Variants in DSG1 observed in about 807,000 individuals in gnomAD.
DSG1 encodes the protein desmoglein-1.
DSG1 carries 39 observed loss-of-function variants against 97.5 expected under a neutral mutation model. The observed-to-expected ratio is 0.40, with a 90% CI of 0.31 to 0.52. The LOEUF is 0.52. DSG1 is among the 20% of genes least tolerant of loss of function. The probability of loss-of-function intolerance (pLI) is 0.53; values close to 1 mark genes in which losing one functional copy is unlikely to be tolerated. For missense variants in DSG1, 1,311 were observed against 1,295.4 expected (o/e 1.01, Z -0.18); for synonymous variants, 475 against 443.4 (o/e 1.07, Z -0.90).
intron 14 of DSG1, among the ~76,000 whole-genome samples, chr18:31,353,578 G>A (rs569678303): frequency 7.2e-5 from 11 of 152,088 alleles, no homozygotes; most frequent in Middle Eastern, 3.2e-3. Flanking sequence ...CCTCACTGCC[G>A]CTTTGCAGTT....
At chr18:31,338,248 A>C in intron 9 of DSG1, 67 bp from the exon 10 acceptor site, 2 of 1,495,872 alleles carry the variant, frequency 1.3e-6, no homozygotes, top group Non-Finnish European at 9.2e-7. Context: ...AAAACAATAC[A>C]TTTTAAATTA....
chr18:31,339,717 T>C (rs1221845912), intron 10 of DSG1, 27 bp from the exon 11 acceptor site: 1 of 1,557,716 alleles, frequency 6.4e-7, no homozygotes, highest in Non-Finnish European at 8.9e-7. Context: ...GTCTAAAATA[T>C]TTCTTCCATT....
rs772257646 is a variant in DSG1, at chr18:31,318,937, CA to C, written c.48+595del. Among the ~76,000 whole-genome samples the C allele has an allele frequency of 2.6e-5, 4 of 151,706 alleles. No homozygotes were observed. The South Asian group carries it at 6.3e-4, about 24-fold the overall frequency. On this transcript the variant is annotated intron_variant, in intron 1 of 14. Transcript: ENST00000257192. ...ATTTTATTTAAAACATTTTTAATTT[CA>C]AAAAACGGCAGTACAGGAGGTTTAT...
chr18:31,332,528 T>C (rs1263047064), intron 6 of DSG1, among the ~76,000 whole-genome samples: 3 of 152,076 alleles, frequency 2.0e-5, no homozygotes, highest in Admixed American at 6.6e-5. Context: ...TAGCATGCCT[T>C]GTGATTTTAT....
chr18:31,355,208 C>A lies in DSG1; in HGVS notation c.3012C>A (p.Ser1004Arg), dbSNP rs1419114865. The A allele has an allele frequency of 1.9e-6, 3 of 1,602,986 alleles. No homozygotes were observed. Among genetic ancestry groups the A allele is most frequent in the South Asian group, 2.2e-5 (2 of 89,282 alleles). ...AGISGGGIGL[S>R]SLGGTASIGH... Reference sequence around the variant, plus strand: ...TAAGTGGTGGTGGCATTGGCCTGAGCAGCTTGGGAGGGACAGCCAGCATTG... The same window carrying A: ...TAAGTGGTGGTGGCATTGGCCTGAGAAGCTTGGGAGGGACAGCCAGCATTG... The change falls in exon 15 of 15, where the codon AGC becomes AGA. Residue 1004 changes from serine to arginine, a missense_variant. Ser to Arg is a moderately radical substitution (Grantham distance 110). This residue lies in a region of DSG1 where 1,038 missense variants were observed against 964.6 expected (regional missense o/e 1.08). Coordinates refer to ENST00000257192, the MANE Select transcript of DSG1 (RefSeq NM_001942.4).
intron 1 of DSG1, among the ~76,000 whole-genome samples, chr18:31,322,142 C>T (rs907654782): frequency 1.3e-5 from 2 of 152,240 alleles, no homozygotes; most frequent in Admixed American, 6.5e-5. Context: ...CATATCTCTA[C>T]AAATTAATGG....
chr18:31,325,076 G>A (rs979806807), intron 1 of DSG1, among the ~76,000 whole-genome samples: 1 of 152,184 alleles, frequency 6.6e-6, no homozygotes, highest in African/African-American at 2.4e-5. Flanking sequence ...GAAAGTCCAA[G>A]AGTGACTTTG....
rs141269991 is a variant in DSG1, at chr18:31,318,340, A to T, written c.40A>T (p.Ile14Phe). 495 of 1,612,898 alleles carry T rather than the reference A, an allele frequency of 3.1e-4. 3 individuals are homozygous for T. Among genetic ancestry groups the T allele is most frequent in the Middle Eastern group, 1.6e-4 (1 of 6,082 alleles). ...SFFRVVAMLFIFLVVVEVNSE... is the reference protein window; with the variant it reads ...SFFRVVAMLFFFLVVVEVNSE... ...CTTCAGAGTAGTTGCAATGCTGTTC[A>T]TTTTTCTGGTGAGTGGATTCTGGTA... The change falls in exon 1 of 15, where the codon ATT (isoleucine) becomes TTT (phenylalanine). Residue 14 changes from isoleucine to phenylalanine, a missense_variant. This residue lies in a region of DSG1 where 259 missense variants were observed against 304.1 expected (regional missense o/e 0.85). Coordinates refer to ENST00000257192, the MANE Select transcript of DSG1 (RefSeq NM_001942.4).
At chr18:31,327,088 A>G in intron 3 of DSG1, 83 bp downstream of exon 3, 1 of 1,543,284 alleles carries the variant, frequency 6.5e-7, no homozygotes, top group Non-Finnish European at 8.9e-7. Context: ...TATTTCATGA[A>G]CATGTCTCAC....
chr18:31,326,935 G>A lies in DSG1; in HGVS notation c.146G>A (p.Arg49His), dbSNP rs2144087833. The change falls in exon 3 of 15, where the codon CGT becomes CAT. Residue 49 changes from arginine to histidine, a missense_variant. By Grantham distance (29) the Arg-to-His change is conservative. This residue lies in a region of DSG1 where 259 missense variants were observed against 304.1 expected (regional missense o/e 0.85). Transcript: ENST00000257192. ...TGGCATTCAATCCGAAGGCAGAAAC[G>A]TGAATGGATCAAGTTCGCAGCAGCC... is the stretch of plus-strand genomic sequence containing the variant. ...IKWHSIRRQK[R>H]EWIKFAAACR... 1 of 1,613,846 alleles carries A rather than the reference G, an allele frequency of 6.2e-7. No homozygotes were observed. The highest frequency in any genetic ancestry group is 8.5e-7 in the Non-Finnish European group (1 of 1,179,876).
chr18:31,333,822 C>T, intron 7 of DSG1, 99 bp downstream of exon 7: 1 of 1,422,892 alleles, frequency 7.0e-7, no homozygotes, highest in Non-Finnish European at 9.9e-7. Context: ...TGTTTATTGA[C>T]ATACAACCCA....
Position 31,336,557 on chromosome 18 carries a change from A to G in DSG1, c.1209A>G (p.Lys403=). ...VVTGNMGSND[K]VGDFVATDLD... is the part of the protein sequence containing the mutation. ...CTGGTAATATGGGATCAAATGATAA[A>G]GTGGGAGACTTTGTAGCTACTGACC... The change falls in exon 9 of 15, where the codon AAA becomes AAG. Residue 403 remains lysine (K), a synonymous_variant. Coordinates refer to ENST00000257192, the MANE Select transcript of DSG1 (RefSeq NM_001942.4). The G allele has an allele frequency of 6.2e-7, 1 of 1,614,060 alleles. No homozygotes were observed. Among genetic ancestry groups the G allele is most frequent in the Non-Finnish European group, 8.5e-7 (1 of 1,179,948 alleles).
rs369648676 is a variant in DSG1 at position 31,319,679 on chromosome 18, G to T, written c.48+1331G>T. 2.6e-5 allele frequency among the ~76,000 whole-genome samples: 4 copies of T among 152,248 alleles called. No homozygotes were observed. The East Asian group carries it at 7.7e-4, about 29-fold the overall frequency. On this transcript the variant is annotated intron_variant, in intron 1 of 14. Transcript: ENST00000257192. ...TTCAAATAAATTTGATCCATTAAGA[G>T]CTATTATAGTTTTAGTTGATCAGCT... is the stretch of plus-strand genomic sequence containing the variant.
At position 31,331,769 on chromosome 18, in the gene DSG1, T is replaced by C; in HGVS notation, c.586T>C (p.Phe196Leu). 6.2e-7 allele frequency: 1 copy of C among 1,612,870 alleles called. No homozygotes were observed. The highest frequency in any genetic ancestry group is 8.5e-7 in the Non-Finnish European group (1 of 1,179,170). Residue 196 changes from phenylalanine to leucine, a missense_variant, in exon 6 of 15, where the codon TTC (phenylalanine) becomes CTC (leucine). Coordinates refer to ENST00000257192, the MANE Select transcript of DSG1 (RefSeq NM_001942.4). ...EPNNLNSKIA[F>L]KIIRQEPSDS... ...GAACAATTTGAACTCAAAAATAGCC[T>C]TCAAGATTATAAGACAAGAACCTTC...
Position 31,336,042 on chromosome 18 carries a change from C to A in DSG1, c.1006-312C>A, listed in dbSNP as rs188408351. ...GAAGGTAGGATAAATTGTCTTTGCACTAAAAAATACATACATTTGACTATC... is the reference window on the plus strand; with the variant it reads ...GAAGGTAGGATAAATTGTCTTTGCAATAAAAAATACATACATTTGACTATC... On this transcript the variant is annotated intron_variant, in intron 8 of 14. Coordinates refer to ENST00000257192, the MANE Select transcript of DSG1 (RefSeq NM_001942.4). Among the ~76,000 whole-genome samples, 138 of 151,950 alleles carry A rather than the reference C, an allele frequency of 9.1e-4. 1 individual carries two copies. The highest frequency in any genetic ancestry group is 4.5e-3 in the Admixed American group (68 of 15,262).
At chr18:31,322,995 G>T (rs527849916) in intron 1 of DSG1, among the ~76,000 whole-genome samples, 65 of 152,290 alleles carry the variant, frequency 4.3e-4, no homozygotes, top group African/African-American at 1.5e-3. Flanking sequence ...TCCTAAAACA[G>T]AAATGAAGGG....
intron 14 of DSG1, among the ~76,000 whole-genome samples, chr18:31,349,329 C>A (rs2071873441): frequency 6.9e-6 from 1 of 145,430 alleles, no homozygotes. Context: ...ATCTATATCT[C>A]TGTTTTGGTA....
In DSG1 at chr18:31,356,313, A is replaced by G. The variant is rs906046914; in HGVS notation, c.*967A>G. 23 of 152,260 alleles carry G rather than the reference A, an allele frequency of 1.5e-4. 1 individual carries two copies. Among genetic ancestry groups the G allele is most frequent in the Admixed American group, 1.4e-3 (21 of 15,288 alleles). 9.4% of individuals were successfully genotyped at this position (152,260 alleles called of 1,614,324 possible). Reference sequence around the variant, plus strand: ...GTTTTGTTTTTAGTAGGTGATATTCATTCGTATCCAGCTCTTTATTACATA... The same window carrying G: ...GTTTTGTTTTTAGTAGGTGATATTCGTTCGTATCCAGCTCTTTATTACATA... On this transcript the variant is annotated 3_prime_UTR_variant, in exon 15 of 15. Coordinates refer to ENST00000257192, the MANE Select transcript of DSG1 (RefSeq NM_001942.4).
intron 6 of DSG1, among the ~76,000 whole-genome samples, chr18:31,332,955 T>C (rs958720097): frequency 6.6e-6 from 1 of 152,154 alleles, no homozygotes; most frequent in Non-Finnish European, 1.5e-5. Context: ...TCTGCAGCCA[T>C]TGGGAAGCCA....
Sources: gnomAD v4.1 joint callset for allele counts (sites outside exome capture counted in the v4.1 genomes callset) on GRCh38, gnomAD v4.1.1 for gene constraint, gnomAD v4.1.1 regional missense constraint, MANE v1.5 for transcripts, NCBI Gene and HGNC (gene_info 2026-07-23, HGNC 2026-07-21) for gene names.